The following CDH4 variants were observed in gnomAD, a reference collection of about 807,000 sequenced individuals.
The protein encoded by CDH4 is cadherin-4.
In CDH4, 33 loss-of-function variants were observed where a neutral mutation model predicts 86.0. That is an observed-to-expected ratio of 0.38 (90% CI 0.29 to 0.51). The LOEUF is 0.51. CDH4 is among the 20% of genes least tolerant of loss of function. CDH4 has a pLI of 0.86. For synonymous variants in CDH4, 555 were observed against 549.4 expected (o/e 1.01, Z -0.14); for missense variants, 1,114 against 1,307.4 (o/e 0.85, Z 2.28).
At chr20:61,484,485 T>A (rs1313244444) in intron 2 of CDH4, among the ~76,000 whole-genome samples, 1 of 152,236 alleles carries the variant, frequency 6.6e-6, no homozygotes. Context: ...CCCGTTTATC[T>A]TCTGCTAATT....
At chr20:61,687,094 C>T (rs2087590597) in intron 2 of CDH4, among the ~76,000 whole-genome samples, 2 of 152,322 alleles carry the variant, frequency 1.3e-5, no homozygotes, top group South Asian at 4.1e-4. Flanking sequence ...AGGCGACCTC[C>T]CCGCACGCCC....
intron 2 of CDH4, among the ~76,000 whole-genome samples, chr20:61,705,473 C>T (rs1276407309): frequency 1.3e-5 from 2 of 152,256 alleles, no homozygotes; most frequent in African/African-American, 4.8e-5. Flanking sequence ...TGTGGGAGAG[C>T]CGTAGGTGCC....
intron 2 of CDH4, among the ~76,000 whole-genome samples, chr20:61,383,388 AATATATG>A (rs2084921018): frequency 1.5e-5 from 1 of 66,226 alleles, no homozygotes; most frequent in Non-Finnish European, 2.8e-5. Context: ...GATATATATG[AATATATG>A]ATATATATGA....
chr20:61,606,130 C>T (rs188726253), intron 2 of CDH4, among the ~76,000 whole-genome samples: 187 of 152,260 alleles, frequency 1.2e-3, no homozygotes, highest in Admixed American at 2.4e-3. Context: ...CCGGGCTGAA[C>T]GGCAAAGAGT....
intron 2 of CDH4, among the ~76,000 whole-genome samples, chr20:61,361,463 AG>A (rs1430117447): frequency 6.6e-6 from 1 of 152,110 alleles, no homozygotes; most frequent in African/African-American, 2.4e-5. Context: ...GGGGATGGGG[AG>A]GGGGATACAG....
chr20:61,807,189 G>A lies in CDH4; in HGVS notation c.576+34007G>A, dbSNP rs1159864766. On this transcript the variant is annotated intron_variant, in intron 4 of 15. Coordinates refer to ENST00000614565, the MANE Select transcript of CDH4 (RefSeq NM_001794.5). This position sits in a 1 kb window ranked among gnomAD's most constrained non-coding sequence, Gnocchi z 4.5. The stretch of plus-strand genomic sequence containing the variant: ...CCTCGGGAGGTGCCTGGTGGGTCCT[G>A]CCAGACAGAGGAGTGGCCTGTGGGA... Among the ~76,000 whole-genome samples the A allele has an allele frequency of 1.3e-5, 2 of 152,222 alleles. No individual in the cohort carries two copies. Among genetic ancestry groups the A allele is most frequent in the East Asian group, 1.9e-4 (1 of 5,180 alleles).
chr20:61,551,082 C>T (rs926922743), intron 2 of CDH4, among the ~76,000 whole-genome samples: 15 of 152,172 alleles, frequency 9.9e-5, no homozygotes, highest in African/African-American at 3.1e-4. Context: ...ATGCAGGTAA[C>T]GGGCATTCCC....
chr20:61,741,468 T>G (rs1050992761), intron 2 of CDH4, among the ~76,000 whole-genome samples: 4 of 151,760 alleles, frequency 2.6e-5, no homozygotes, highest in Admixed American at 2.6e-4. Flanking sequence ...AATGCTTGCC[T>G]AAGATGTCAC....
intron 2 of CDH4, among the ~76,000 whole-genome samples, chr20:61,286,379 C>T (rs1167935149): frequency 6.6e-6 from 1 of 152,218 alleles, no homozygotes; most frequent in African/African-American, 2.4e-5. Context: ...CTTTGCGAAG[C>T]TCACTTGTCC....
At chr20:61,382,320 G>A (rs2084907305) in intron 2 of CDH4, among the ~76,000 whole-genome samples, 1 of 152,206 alleles carries the variant, frequency 6.6e-6, no homozygotes, top group Admixed American at 6.5e-5. Flanking sequence ...GTGAGGTAGG[G>A]ATCGTTTCTT....
chr20:61,938,036 T>A lies in CDH4; in HGVS notation c.*1093T>A, dbSNP rs4263188. 1,281 of 152,522 alleles carry A rather than the reference T, an allele frequency of 8.4e-3. 6 individuals are homozygous for A. The highest frequency in any genetic ancestry group is 8.7e-3 in the Non-Finnish European group (592 of 68,222). The allele number at this position is 152,522 out of a possible 1,614,324, so 9.4% of individuals were successfully genotyped here. On this transcript the variant is annotated 3_prime_UTR_variant, in exon 16 of 16. Coordinates refer to ENST00000614565, the MANE Select transcript of CDH4 (RefSeq NM_001794.5). ...AACACACCCAGCAGCCTGCGAAGCC[T>A]CCCCGTCCCCAGCCTGTGCTCCTGA...
chr20:61,460,941 C>T (rs2085438395), intron 2 of CDH4, among the ~76,000 whole-genome samples: 1 of 152,162 alleles, frequency 6.6e-6, no homozygotes, highest in East Asian at 1.9e-4. Flanking sequence ...GCTCCATCAG[C>T]CCCTGTTAGG....
At chr20:61,499,488 A>G in intron 2 of CDH4, 3 of 1,289,158 alleles carry the variant, frequency 2.3e-6, no homozygotes, top group Non-Finnish European at 3.0e-6. Flanking sequence ...CCTGCTTTAA[A>G]GAAGGCAAGT....
chr20:61,776,287 C>T (rs746773934), intron 4 of CDH4, among the ~76,000 whole-genome samples: 12 of 152,224 alleles, frequency 7.9e-5, no homozygotes, highest in Non-Finnish European at 8.8e-5. Flanking sequence ...CAGCCGGCAC[C>T]GGGAGCTCTC....
chr20:61,401,038 C>CCAGA (rs1219049518), intron 2 of CDH4, among the ~76,000 whole-genome samples: 2 of 152,228 alleles, frequency 1.3e-5, no homozygotes, highest in African/African-American at 4.8e-5. Context: ...CCAGACAAGT[C>CCAGA]CAGAGCTCCT....
At chr20:61,566,957 T>C (rs1260092254) in intron 2 of CDH4, among the ~76,000 whole-genome samples, 1 of 152,080 alleles carries the variant, frequency 6.6e-6, no homozygotes, top group Admixed American at 6.5e-5. Context: ...CCAGCGGCGG[T>C]GATGGGCTTG....
intron 2 of CDH4, among the ~76,000 whole-genome samples, chr20:61,365,360 A>G (rs747771706): frequency 2.0e-5 from 3 of 152,192 alleles, no homozygotes; most frequent in Non-Finnish European, 4.4e-5. Context: ...TGTTAGGAGC[A>G]TTCAAGAACA....
At chr20:61,565,236 G>GCGGTGCTCTTGGTGA (rs2086271909) in intron 2 of CDH4, among the ~76,000 whole-genome samples, 2 of 57,310 alleles carry the variant, frequency 3.5e-5, no homozygotes, top group African/African-American at 1.4e-4. Context: ...GGTGGTGGTG[G>GCGGTGCTCTTGGTGA]TGGTGGCGGT....
intron 2 of CDH4, among the ~76,000 whole-genome samples, chr20:61,463,018 G>A (rs936822680): frequency 6.6e-6 from 1 of 152,142 alleles, no homozygotes; most frequent in African/African-American, 2.4e-5. Flanking sequence ...TTGAATAATG[G>A]GGGTGGTTTC....
Sources: allele counts gnomAD v4.1 joint callset (sites outside exome capture counted in the v4.1 genomes callset), GRCh38; gene constraint gnomAD v4.1.1; non-coding constraint Gnocchi (gnomAD v3.1); transcripts MANE v1.5; gene names NCBI Gene and HGNC (gene_info 2026-07-23, HGNC 2026-07-21).